The following PHF3 variants were observed in gnomAD, a reference collection of about 807,000 sequenced individuals.
PHF3 encodes the protein PHD finger protein 3.
A neutral mutation model predicts 178.4 loss-of-function variants in PHF3; 41 were observed. The ratio of observed to expected loss-of-function variants is 0.23; its 90% confidence interval spans 0.18 to 0.30. PHF3 has a LOEUF of 0.30. PHF3 is among the 10% of genes least tolerant of loss of function. PHF3 has a pLI of 1.00. For synonymous variants in PHF3, 842 were observed against 800.5 expected (o/e 1.05, Z -0.88); for missense variants, 2,346 against 2,398.1 (o/e 0.98, Z 0.45).
intron 2 of PHF3, among the ~76,000 whole-genome samples, chr6:63,673,322 G>GA (rs775224296): frequency 1.6e-4 from 24 of 151,750 alleles, no homozygotes; most frequent in Non-Finnish European, 2.2e-4. Flanking sequence ...CAGTGTTGCA[G>GA]AAAAAATATC....
chr6:63,720,752 A>ACC lies in PHF3; in HGVS notation c.*7045_*7046dup, dbSNP rs869312188. The ACC allele has an allele frequency of 5.8e-6, 9 of 1,550,490 alleles. No homozygotes were observed. Among genetic ancestry groups the ACC allele is most frequent in the Non-Finnish European group, 7.9e-6 (9 of 1,146,320 alleles). On this transcript the variant is annotated 3_prime_UTR_variant, in exon 16 of 16. Transcript: ENST00000262043. ...CTTGAGTAACGATATTTACCTTTCT[A>ACC]CCATATTCAAAGCCCCCTAGATAAC...
At position 63,706,769 on chromosome 6, in the gene PHF3, C is replaced by T; in HGVS notation, c.3604C>T (p.Leu1202=). 6.2e-7 allele frequency: 1 copy of T among 1,613,984 alleles called. No homozygotes were observed. The highest frequency in any genetic ancestry group is 8.5e-7 in the Non-Finnish European group (1 of 1,179,900). Residue 1202 remains leucine, a synonymous_variant, in exon 13 of 16, where the codon CTG becomes TTG. Coordinates refer to ENST00000262043, the MANE Select transcript of PHF3 (RefSeq NM_001370348.2). The part of the protein sequence containing the change: ...PGTVEVESTF[L]ARLNFIWKGF... ...AACTGTTGAAGTTGAGTCTACCTTT[C>T]TGGCTCGATTGAACTTCATCTGGAA...
Position 63,722,002 on chromosome 6 carries a change from A to G in PHF3, c.*8294A>G, listed in dbSNP as rs778399236. Among the ~76,000 whole-genome samples the G allele has an allele frequency of 6.6e-6, 1 of 152,300 alleles. No homozygotes were observed. The highest frequency in any genetic ancestry group is 3.4e-3 in the Middle Eastern group (1 of 294). ...TTCATTTTGTTCAGCAATTGGCTAC[A>G]TAAATTTTCTCTAGTTGTGGACAGT... On this transcript the variant is annotated 3_prime_UTR_variant, in exon 16 of 16. Coordinates refer to ENST00000262043, the MANE Select transcript of PHF3 (RefSeq NM_001370348.2).
chr6:63,703,699 T>A, intron 11 of PHF3, 28 bp downstream of exon 11: 2 of 1,579,702 alleles, frequency 1.3e-6, no homozygotes, highest in Non-Finnish European at 1.7e-6. Context: ...TTCGTAAAAT[T>A]TTGCATTCAT....
intron 2 of PHF3, among the ~76,000 whole-genome samples, chr6:63,664,952 T>G (rs1310641455): frequency 6.6e-6 from 1 of 152,134 alleles, no homozygotes; most frequent in Admixed American, 6.5e-5. Context: ...TTAGAACATT[T>G]CTGCCATCTT....
intron 1 of PHF3, among the ~76,000 whole-genome samples, chr6:63,641,916 TG>T (rs1186598339): frequency 3.3e-5 from 5 of 152,034 alleles, no homozygotes; most frequent in Non-Finnish European, 7.4e-5. Context: ...GTGTGAGCCA[TG>T]GCGCCCGGCC....
At chr6:63,687,143 G>T (rs1009075841) in intron 4 of PHF3, among the ~76,000 whole-genome samples, 1 of 152,126 alleles carries the variant, frequency 6.6e-6, no homozygotes, top group African/African-American at 2.4e-5. Context: ...ACTCAGCCAG[G>T]CGCAGTCGCA....
intron 2 of PHF3, among the ~76,000 whole-genome samples, chr6:63,665,675 G>C (rs1765654819): frequency 6.6e-6 from 1 of 151,756 alleles, no homozygotes; most frequent in South Asian, 2.1e-4. Context: ...TTTTAGTAGA[G>C]ACGGGGCTTC....
In PHF3 at chr6:63,642,879, C is replaced by T. The variant is rs189897926; in HGVS notation, c.-25-3648C>T. 1.0e-3 allele frequency among the ~76,000 whole-genome samples: 159 copies of T among 152,246 alleles called. 2 individuals carry two copies. The Middle Eastern group carries it at 0.024, about 23-fold the overall frequency. On this transcript the variant is annotated intron_variant, in intron 1 of 15. Coordinates refer to ENST00000262043, the MANE Select transcript of PHF3 (RefSeq NM_001370348.2). Reference sequence around the variant, plus strand: ...ATTAGATCTGATTATCTGTTAGCCACATTACTAGGTATCCCAGAATATTCT... The same window carrying T: ...ATTAGATCTGATTATCTGTTAGCCATATTACTAGGTATCCCAGAATATTCT...
At chr6:63,668,406 T>C (rs1765768637) in intron 2 of PHF3, among the ~76,000 whole-genome samples, 2 of 152,196 alleles carry the variant, frequency 1.3e-5, no homozygotes, top group Admixed American at 1.3e-4. Context: ...TGATCATGGC[T>C]CACTACAGCC....
intron 2 of PHF3, among the ~76,000 whole-genome samples, chr6:63,652,981 T>G (rs960644499): frequency 6.6e-6 from 1 of 151,084 alleles, no homozygotes; most frequent in Non-Finnish European, 1.5e-5. Context: ...TCCAGCTTTA[T>G]TATTATTATT....
intron 2 of PHF3, among the ~76,000 whole-genome samples, chr6:63,669,867 A>G (rs1561953372): frequency 6.6e-6 from 1 of 151,994 alleles, no homozygotes; most frequent in South Asian, 2.1e-4. Context: ...TATAATAATA[A>G]TTTTTTTCTC....
At chr6:63,690,190 T>G (rs1413958138) in intron 4 of PHF3, among the ~76,000 whole-genome samples, 3 of 152,166 alleles carry the variant, frequency 2.0e-5, no homozygotes, top group Non-Finnish European at 2.9e-5. Context: ...AAACGTGTGT[T>G]AACATTGTTC....
At position 63,713,503 on chromosome 6, in the gene PHF3, C is replaced by T. The variant is rs1229904577; in HGVS notation, c.5915C>T (p.Ala1972Val). 1 of 1,613,560 alleles carries T rather than the reference C, an allele frequency of 6.2e-7. No individual in the cohort carries two copies. Among genetic ancestry groups the T allele is most frequent in the Middle Eastern group, 1.7e-4 (1 of 6,056 alleles). The change falls in exon 16 of 16, where the codon GCA (alanine) becomes GTA (valine). Residue 1972 changes from alanine to valine, a missense_variant. Physicochemically the swap from Ala to Val is moderately conservative, Grantham distance 64 (BLOSUM62 0). This residue lies in a region of PHF3 where 839 missense variants were observed against 806.9 expected (regional missense o/e 1.04). Transcript: ENST00000262043. Reference protein sequence around the residue: ...REEGHKDKERARLSHGDRGTD... With the variant: ...REEGHKDKERVRLSHGDRGTD... ...GAAGGGCACAAAGATAAAGAGAGGG[C>T]ACGGTTATCACATGGTGATCGAGGA...
intron 2 of PHF3, among the ~76,000 whole-genome samples, chr6:63,658,708 TTG>T (rs3071174): frequency 0.058 from 8,478 of 145,010 alleles, 237 homozygotes; most frequent in Middle Eastern, 0.081. Context: ...CCAATAGATT[TTG>T]TGTGTGTGTG....
intron 9 of PHF3, among the ~76,000 whole-genome samples, chr6:63,700,670 G>C (rs1767434443): frequency 6.6e-6 from 1 of 151,972 alleles, no homozygotes; most frequent in Admixed American, 6.6e-5. Context: ...TGCAACCTCT[G>C]CCTCCTGGGT....
At chr6:63,680,536 C>A (rs1470883346) in intron 3 of PHF3, among the ~76,000 whole-genome samples, 1 of 150,988 alleles carries the variant, frequency 6.6e-6, no homozygotes, top group African/African-American at 2.4e-5. Context: ...CTTCCTGCTA[C>A]TTGTCCCCAT....
chr6:63,648,226 C>G (rs1464544877), intron 2 of PHF3, among the ~76,000 whole-genome samples: 1 of 152,014 alleles, frequency 6.6e-6, no homozygotes, highest in Non-Finnish European at 1.5e-5. Flanking sequence ...TGTTTTAAAG[C>G]TTTTAAAATT....
intron 6 of PHF3, among the ~76,000 whole-genome samples, chr6:63,695,007 T>C (rs1303307323): frequency 1.3e-5 from 2 of 152,140 alleles, no homozygotes; most frequent in Non-Finnish European, 2.9e-5. Flanking sequence ...TAAATACTAA[T>C]GGAAGAAGGC....
Sources: allele counts gnomAD v4.1 joint callset (sites outside exome capture counted in the v4.1 genomes callset), GRCh38; gene constraint gnomAD v4.1.1; regional missense constraint gnomAD v4.1.1; transcripts MANE v1.5; gene names NCBI Gene and HGNC (gene_info 2026-07-23, HGNC 2026-07-21).